Variants in MACROD2 observed in about 807,000 individuals in gnomAD.
MACROD2 encodes the protein ADP-ribose glycohydrolase MACROD2.
Under a neutral mutation model 70.4 loss-of-function variants are expected in MACROD2, and 36 were observed. The ratio of observed to expected loss-of-function variants is 0.51; its 90% CI spans 0.39 to 0.68. MACROD2 has a LOEUF of 0.68. Among genes scored for constraint, MACROD2 ranks in the 30% least tolerant of loss-of-function variants. The pLI, the probability that MACROD2 is intolerant of heterozygous loss-of-function variation, is 0.00. For missense variants in MACROD2, 496 were observed against 538.4 expected (o/e 0.92, Z 0.78); for synonymous variants, 172 against 178.8 (o/e 0.96, Z 0.30).
chr20:15,583,001 T>A (rs2048547353), intron 8 of MACROD2, among the ~76,000 whole-genome samples: 1 of 151,880 alleles, frequency 6.6e-6, no homozygotes, highest in South Asian at 2.1e-4. Context: ...TGAGTCGGGA[T>A]GTTAAGGCAA....
chr20:15,314,364 G>A (rs2077786501), intron 6 of MACROD2, among the ~76,000 whole-genome samples: 2 of 152,166 alleles, frequency 1.3e-5, no homozygotes, highest in African/African-American at 4.8e-5. Context: ...GCCAAGGTGG[G>A]AAAATTGCTT....
intron 5 of MACROD2, among the ~76,000 whole-genome samples, chr20:15,075,809 G>A (rs2075652967): frequency 6.6e-6 from 1 of 152,134 alleles, no homozygotes; most frequent in Non-Finnish European, 1.5e-5. Context: ...CAGCAACACA[G>A]TGACCACTGC....
intron 5 of MACROD2, among the ~76,000 whole-genome samples, chr20:14,707,907 T>G (rs2071289223): frequency 6.6e-6 from 1 of 152,196 alleles, no homozygotes; most frequent in South Asian, 2.1e-4. Context: ...ATATTTATAA[T>G]AGTTAGAGCT....
intron 5 of MACROD2, among the ~76,000 whole-genome samples, chr20:15,123,310 T>G (rs1021219300): frequency 6.6e-6 from 1 of 152,102 alleles, no homozygotes; most frequent in African/African-American, 2.4e-5. Context: ...GGAAGAAATT[T>G]TGTTTTTGGT....
At chr20:15,009,590 TATATC>T (rs2122928447) in intron 5 of MACROD2, among the ~76,000 whole-genome samples, 2 of 152,302 alleles carry the variant, frequency 1.3e-5, no homozygotes, top group South Asian at 4.1e-4. Context: ...TGAGCAAAAC[TATATC>T]ATGAGACTAA....
At chr20:15,114,237 G>A (rs1015080333) in intron 5 of MACROD2, among the ~76,000 whole-genome samples, 2 of 152,186 alleles carry the variant, frequency 1.3e-5, no homozygotes, top group African/African-American at 4.8e-5. Flanking sequence ...CCCAGAATGA[G>A]CAGGGCTCTT....
intron 3 of MACROD2, among the ~76,000 whole-genome samples, chr20:14,461,114 G>A (rs2084364956): frequency 6.6e-6 from 1 of 152,038 alleles, no homozygotes; most frequent in African/African-American, 2.4e-5. Flanking sequence ...CTTGTTATTG[G>A]TCTATTCAGG....
intron 5 of MACROD2, among the ~76,000 whole-genome samples, chr20:15,097,802 G>A (rs1344283966): frequency 6.6e-5 from 10 of 152,120 alleles, no homozygotes; most frequent in Admixed American, 6.5e-4. Context: ...CATTTCTATC[G>A]ACAAACACGT....
chr20:15,728,384 A>G (rs756276776), intron 8 of MACROD2, among the ~76,000 whole-genome samples: 6 of 152,102 alleles, frequency 3.9e-5, no homozygotes, highest in Non-Finnish European at 8.8e-5. Flanking sequence ...TGTCTCTGCT[A>G]GGTTTTGGTA....
chr20:15,257,406 C>A (rs1243087515), intron 6 of MACROD2, among the ~76,000 whole-genome samples: 5 of 152,052 alleles, frequency 3.3e-5, no homozygotes, highest in African/African-American at 1.2e-4. Flanking sequence ...GAGAACCTAT[C>A]AAGTGCTAGG....
rs191341888 is a variant in MACROD2, at chr20:14,386,619, G to A, written c.272-106860G>A. Reference sequence around the variant, plus strand: ...CTCTCTTTCTCTCTCTCTCTTGCTCGCTTCTGCTTTTGCCATGTGACATGC... The same window carrying A: ...CTCTCTTTCTCTCTCTCTCTTGCTCACTTCTGCTTTTGCCATGTGACATGC... On this transcript the variant is annotated intron_variant, in intron 3 of 17. Coordinates refer to ENST00000684519, the MANE Select transcript of MACROD2 (RefSeq NM_001351661.2). Among the ~76,000 whole-genome samples, 244 of 150,792 alleles carry A rather than the reference G, an allele frequency of 1.6e-3. 1 individual carries two copies. The highest frequency in any genetic ancestry group is 4.0e-3 in the South Asian group (19 of 4,804).
At chr20:14,783,096 T>C (rs1023464753) in intron 5 of MACROD2, among the ~76,000 whole-genome samples, 1 of 152,162 alleles carries the variant, frequency 6.6e-6, no homozygotes, top group Admixed American at 6.5e-5. Context: ...TCTTGGAATG[T>C]CAAATGATTC....
chr20:15,144,606 A>G (rs949913416), intron 5 of MACROD2, among the ~76,000 whole-genome samples: 2 of 152,184 alleles, frequency 1.3e-5, no homozygotes, highest in African/African-American at 4.8e-5. Flanking sequence ...AGGTGGGGAA[A>G]TCACCAAAGT....
chr20:15,993,524 C>T (rs1051830764), intron 15 of MACROD2, among the ~76,000 whole-genome samples: 8 of 151,874 alleles, frequency 5.3e-5, no homozygotes, highest in Non-Finnish European at 1.0e-4. Flanking sequence ...GCTATACCAT[C>T]GAGGTTTGTG....
At chr20:15,439,817 C>T (rs2046473090) in intron 7 of MACROD2, among the ~76,000 whole-genome samples, 1 of 152,116 alleles carries the variant, frequency 6.6e-6, no homozygotes, top group Admixed American at 6.6e-5. Context: ...GATGAAAAGC[C>T]TCGTTTGGTC....
At chr20:14,997,962 A>C (rs1231119637) in intron 5 of MACROD2, among the ~76,000 whole-genome samples, 1 of 152,190 alleles carries the variant, frequency 6.6e-6, no homozygotes, top group African/African-American at 2.4e-5. Context: ...CTGGTAATCT[A>C]GGGAATTCTT....
intron 5 of MACROD2, among the ~76,000 whole-genome samples, chr20:14,917,682 A>G (rs771267387): frequency 6.6e-6 from 1 of 152,206 alleles, no homozygotes; most frequent in Non-Finnish European, 1.5e-5. Flanking sequence ...ATCATGGAGG[A>G]GAACCAGGAC....
chr20:15,423,514 G>A (rs1047383286), intron 6 of MACROD2, among the ~76,000 whole-genome samples: 23 of 152,098 alleles, frequency 1.5e-4, no homozygotes, highest in African/African-American at 5.3e-4. Context: ...ATTTCTCACA[G>A]TTCTGGAGGC....
intron 8 of MACROD2, among the ~76,000 whole-genome samples, chr20:15,601,506 T>A (rs1180856086): frequency 1.3e-5 from 2 of 152,088 alleles, no homozygotes; most frequent in African/African-American, 4.8e-5. Flanking sequence ...GAGATGGTAA[T>A]GAAAGATATG....
Sources: allele counts gnomAD v4.1 joint callset (sites outside exome capture counted in the v4.1 genomes callset), GRCh38; gene constraint gnomAD v4.1.1; transcripts MANE v1.5; gene names NCBI Gene and HGNC (gene_info 2026-07-23, HGNC 2026-07-21).